ZNF804B: variants seen among roughly 807,000 people sequenced by gnomAD.
ZNF804B encodes zinc finger 804B.
ZNF804B carries 80 observed loss-of-function variants against 101.4 expected under a neutral mutation model. The observed-to-expected ratio is 0.79, with a 90% CI of 0.66 to 0.95. The LOEUF (loss-of-function observed/expected upper bound fraction) is 0.95. Among genes scored for constraint, ZNF804B ranks in the 40% least tolerant of loss-of-function variants. ZNF804B has a pLI of 0.00. For missense variants in ZNF804B, 1,673 were observed against 1,561.9 expected (o/e 1.07, Z -1.20); for synonymous variants, 622 against 558.8 (o/e 1.11, Z -1.59).
At chr7:89,209,935 G>T (rs939440221) in intron 1 of ZNF804B, among the ~76,000 whole-genome samples, 1 of 152,002 alleles carries the variant, frequency 6.6e-6, no homozygotes, top group African/African-American at 2.4e-5. Context: ...GATCACCTGA[G>T]GTCAGGAGTT....
At chr7:88,897,867 CTT>C (rs767550632) in intron 1 of ZNF804B, among the ~76,000 whole-genome samples, 31 of 138,662 alleles carry the variant, frequency 2.2e-4, no homozygotes, top group Admixed American at 3.6e-4. Flanking sequence ...AAGAATAGTA[CTT>C]TTTTTTTTTT....
intron 1 of ZNF804B, among the ~76,000 whole-genome samples, chr7:88,904,364 A>G (rs984591805): frequency 2.6e-5 from 4 of 152,148 alleles, no homozygotes; most frequent in African/African-American, 4.8e-5. Flanking sequence ...GCCTTATAGC[A>G]TAGTTTGAAG....
At chr7:89,203,673 A>T (rs1418602511) in intron 1 of ZNF804B, among the ~76,000 whole-genome samples, 5 of 152,118 alleles carry the variant, frequency 3.3e-5, no homozygotes, top group Admixed American at 2.6e-4. Flanking sequence ...TGCCTTTGTG[A>T]ACACAATCAC....
chr7:89,023,741 C>T (rs116597366), intron 1 of ZNF804B, among the ~76,000 whole-genome samples: 1,537 of 152,244 alleles, frequency 0.01, 23 homozygotes, highest in African/African-American at 0.034. Flanking sequence ...CTTTACAATG[C>T]TTTTTCATTA....
chr7:88,890,493 C>G lies in ZNF804B; in HGVS notation c.108+130409C>G, dbSNP rs535794074. Among the ~76,000 whole-genome samples, 3 of 152,224 alleles carry G rather than the reference C, an allele frequency of 2.0e-5. No individual in the cohort carries two copies. The South Asian group carries it at 6.2e-4, about 32-fold the overall frequency. On this transcript the variant is annotated intron_variant, in intron 1 of 3. Transcript: ENST00000333190. ...GCTGTACCATTTGCCTTCTCACTAT[C>G]CATGAATGAGAGTTCTTGTTGCTCC... is the stretch of plus-strand genomic sequence containing the variant.
rs150333863 is a variant in ZNF804B at position 88,989,274 on chromosome 7, C to T, written c.109-228881C>T. Reference sequence around the variant, plus strand: ...GCTTCCCAAAGTGCTGGGATTATTACCAGAGTTTTAAATTATCTCCAGGGT... The same window carrying T: ...GCTTCCCAAAGTGCTGGGATTATTATCAGAGTTTTAAATTATCTCCAGGGT... On this transcript the variant is annotated intron_variant, in intron 1 of 3. Coordinates refer to ENST00000333190, the MANE Select transcript of ZNF804B (RefSeq NM_181646.5). Among the ~76,000 whole-genome samples the T allele has an allele frequency of 4.6e-3, 704 of 152,082 alleles. 7 individuals are homozygous for T. The highest frequency in any genetic ancestry group is 0.016 in the African/African-American group (648 of 41,514).
intron 1 of ZNF804B, among the ~76,000 whole-genome samples, chr7:88,898,277 G>A (rs957913451): frequency 2.6e-5 from 4 of 151,410 alleles, no homozygotes; most frequent in East Asian, 2.0e-4. Flanking sequence ...TAGTAGAGAC[G>A]GGGTTTCACC....
intron 1 of ZNF804B, among the ~76,000 whole-genome samples, chr7:88,776,312 A>G (rs1214395056): frequency 6.6e-6 from 1 of 152,214 alleles, no homozygotes; most frequent in East Asian, 1.9e-4. Context: ...CAAATTGTTG[A>G]AATTGTTGCT....
chr7:89,292,297 A>C (rs1183374374), intron 2 of ZNF804B, among the ~76,000 whole-genome samples: 1 of 152,188 alleles, frequency 6.6e-6, no homozygotes, highest in East Asian at 1.9e-4. Flanking sequence ...TCTCATCTTA[A>C]GTAGAAAGAC....
rs192051452 is a variant in ZNF804B, at chr7:89,335,741, G to C, written c.2759G>C (p.Arg920Thr). The C allele has an allele frequency of 6.2e-7, 1 of 1,613,980 alleles. No homozygotes were observed. Among genetic ancestry groups the C allele is most frequent in the East Asian group, 2.2e-5 (1 of 44,854 alleles). The stretch of plus-strand genomic sequence containing the variant: ...GAATCAAACACTGCAGAAGGAGAGA[G>C]GACCCCTCTAACAGCAAAAATCCTT... ...TTESNTAEGE[R>T]TPLTAKILLE... Residue 920 changes from arginine (R) to threonine (T), a missense_variant, in exon 4 of 4, where the codon AGG becomes ACG. Transcript: ENST00000333190.
At chr7:89,041,816 C>T (rs574372573) in intron 1 of ZNF804B, among the ~76,000 whole-genome samples, 2 of 152,290 alleles carry the variant, frequency 1.3e-5, no homozygotes, top group Non-Finnish European at 2.9e-5. Flanking sequence ...TGTGCCCCAC[C>T]ACTTGCTATA....
intron 1 of ZNF804B, among the ~76,000 whole-genome samples, chr7:89,207,808 A>G (rs1472938368): frequency 6.6e-6 from 1 of 152,180 alleles, no homozygotes; most frequent in Non-Finnish European, 1.5e-5. Flanking sequence ...TAATTCATGT[A>G]TTCTTTAATA....
chr7:89,210,333 C>T (rs555049273), intron 1 of ZNF804B, among the ~76,000 whole-genome samples: 15 of 152,030 alleles, frequency 9.9e-5, no homozygotes, highest in African/African-American at 3.6e-4. Flanking sequence ...AATTTGCTAG[C>T]TTTATTTTTA....
rs529187137 is a variant in ZNF804B, at chr7:89,200,959, A to G, written c.109-17196A>G. Among the ~76,000 whole-genome samples, 82 of 152,022 alleles carry G rather than the reference A, an allele frequency of 5.4e-4. 1 individual carries two copies. The Middle Eastern group carries it at 0.014, about 25-fold the overall frequency. ...ACTTGGCATTCCTCCCTACATGGGC[A>G]TTCCAGTGTGAAACCATAGTGATAT... is the stretch of plus-strand genomic sequence containing the variant. On this transcript the variant is annotated intron_variant, in intron 1 of 3. Transcript: ENST00000333190.
At chr7:89,194,658 T>G (rs1788517330) in intron 1 of ZNF804B, among the ~76,000 whole-genome samples, 1 of 151,946 alleles carries the variant, frequency 6.6e-6, no homozygotes, top group Non-Finnish European at 1.5e-5. Flanking sequence ...CTCTGTCCTG[T>G]TCCATTGATC....
chr7:89,262,703 T>C (rs913431250), intron 2 of ZNF804B, among the ~76,000 whole-genome samples: 2 of 152,212 alleles, frequency 1.3e-5, no homozygotes, highest in African/African-American at 4.8e-5. Flanking sequence ...AATAGCTGTG[T>C]CCACCTTTCT....
chr7:89,120,519 G>T (rs1038524572), intron 1 of ZNF804B, among the ~76,000 whole-genome samples: 1 of 151,538 alleles, frequency 6.6e-6, no homozygotes, highest in Non-Finnish European at 1.5e-5. Context: ...TTAGCCGGGC[G>T]TGGTGGTGGG....
intron 1 of ZNF804B, among the ~76,000 whole-genome samples, chr7:89,059,980 C>T (rs1381806148): frequency 6.6e-6 from 1 of 152,088 alleles, no homozygotes; most frequent in East Asian, 1.9e-4. Flanking sequence ...GAAATTAGAG[C>T]TCTGGACTGA....
At chr7:88,957,019 A>T (rs773494402) in intron 1 of ZNF804B, among the ~76,000 whole-genome samples, 4 of 151,432 alleles carry the variant, frequency 2.6e-5, no homozygotes, top group Non-Finnish European at 5.9e-5. Flanking sequence ...TTGATGAAAA[A>T]ATTTTTTGAT....
Sources: gnomAD v4.1 joint callset for allele counts (sites outside exome capture counted in the v4.1 genomes callset) on GRCh38, gnomAD v4.1.1 for gene constraint, MANE v1.5 for transcripts, NCBI Gene and HGNC (gene_info 2026-07-23, HGNC 2026-07-21) for gene names.